PCNX2: variants seen among roughly 807,000 people sequenced by gnomAD.
PCNX2 encodes pecanex 2.
A neutral mutation model predicts 223.8 loss-of-function variants in PCNX2; 168 were observed. The ratio of observed to expected loss-of-function variants is 0.75; its 90% CI spans 0.66 to 0.85. PCNX2 has a LOEUF of 0.85. Ranked by LOEUF, PCNX2 falls within the 40% of genes least tolerant of loss-of-function variation. PCNX2 has a pLI of 0.00. For missense variants in PCNX2, 2,507 were observed against 2,675.5 expected (o/e 0.94, Z 1.39); for synonymous variants, 1,006 against 1,052.6 (o/e 0.96, Z 0.86).
At chr1:233,147,886 T>C (rs148276208) in intron 19 of PCNX2, among the ~76,000 whole-genome samples, 371 of 152,326 alleles carry the variant, frequency 2.4e-3, no homozygotes, top group African/African-American at 8.3e-3. Context: ...GAGCTCTACG[T>C]TGGACTTTTG....
intron 28 of PCNX2, among the ~76,000 whole-genome samples, chr1:233,010,519 A>C (rs1007134332): frequency 6.6e-6 from 1 of 152,258 alleles, no homozygotes; most frequent in Non-Finnish European, 1.5e-5. Context: ...AACATCAGCT[A>C]GAATCCACCT....
At chr1:233,069,417 T>C (rs984561562) in intron 23 of PCNX2, among the ~76,000 whole-genome samples, 6 of 152,178 alleles carry the variant, frequency 3.9e-5, no homozygotes, top group African/African-American at 1.2e-4. Context: ...CATTCTTTTA[T>C]AGTGGCCACA....
At position 233,126,466 on chromosome 1, in the gene PCNX2, G is replaced by A. The variant is rs2102746297; in HGVS notation, c.3837+8547C>T. On this transcript the variant is annotated intron_variant, in intron 21 of 33. Coordinates refer to ENST00000258229, the MANE Select transcript of PCNX2 (RefSeq NM_014801.4). This position sits in a 1 kb window ranked among gnomAD's most constrained non-coding sequence, Gnocchi z 4.8. ...AAGCAAAAATGGAGGTAAAAGGCAG[G>A]TACAGAATGAACCTATTGATATTTT... Among the ~76,000 whole-genome samples, 1 of 152,122 alleles carries A rather than the reference G, an allele frequency of 6.6e-6. No homozygotes were observed. Among genetic ancestry groups the A allele is most frequent in the African/African-American group, 2.4e-5 (1 of 41,496 alleles).
intron 17 of PCNX2, among the ~76,000 whole-genome samples, chr1:233,172,864 C>T (rs999743564): frequency 1.3e-5 from 2 of 152,158 alleles, no homozygotes; most frequent in African/African-American, 4.8e-5. Context: ...AAAAGTCCCA[C>T]GTGACTTTCC....
rs540101053 is a variant in PCNX2, at chr1:233,147,722, T to C, written c.3518-7867A>G. On this transcript the variant is annotated intron_variant, in intron 19 of 33. Transcript: ENST00000258229. ...AGGAAGACTTGGACTGTAAGTACCA[T>C]TCTGCTGTCTGACATTAGAACAGCA... is the stretch of plus-strand genomic sequence containing the variant. Among the ~76,000 whole-genome samples the C allele has an allele frequency of 2.3e-4, 35 of 152,364 alleles. 1 individual carries two copies. Among genetic ancestry groups the C allele is most frequent in the African/African-American group, 8.2e-4 (34 of 41,594 alleles).
intron 1 of PCNX2, among the ~76,000 whole-genome samples, chr1:233,263,452 ATTTTTT>A (rs67108893): frequency 3.9e-5 from 5 of 126,766 alleles, no homozygotes; most frequent in Non-Finnish European, 8.2e-5. Context: ...AAACCTCTCC[ATTTTTT>A]TTTTTTTTTT....
At chr1:233,237,136 T>C in intron 8 of PCNX2, 156 bp from the exon 9 acceptor site, 1 of 502,600 alleles carries the variant, frequency 2.0e-6, no homozygotes, top group South Asian at 8.5e-5. Flanking sequence ...AAATTATGTA[T>C]ACAAGGCTAC....
intron 1 of PCNX2, among the ~76,000 whole-genome samples, chr1:233,270,366 T>G (rs1660580135): frequency 6.6e-6 from 1 of 152,210 alleles, no homozygotes; most frequent in African/African-American, 2.4e-5. Flanking sequence ...CTTGTGATTA[T>G]ATGTTGAAAA....
chr1:233,059,471 C>T (rs749693126), intron 23 of PCNX2, among the ~76,000 whole-genome samples: 3 of 152,204 alleles, frequency 2.0e-5, no homozygotes, highest in East Asian at 3.9e-4. Flanking sequence ...AAATAGAGTG[C>T]TCAAGGTCAC....
chr1:233,199,805 C>G (rs575422122), intron 14 of PCNX2, among the ~76,000 whole-genome samples: 1 of 152,002 alleles, frequency 6.6e-6, no homozygotes, highest in Admixed American at 6.5e-5. Context: ...TACACACACA[C>G]ACACACACAC....
intron 25 of PCNX2, among the ~76,000 whole-genome samples, chr1:233,039,404 G>A (rs891888323): frequency 6.6e-6 from 1 of 152,208 alleles, no homozygotes; most frequent in Non-Finnish European, 1.5e-5. Flanking sequence ...TTCTCATGTC[G>A]ACAGTCGGGT....
At chr1:233,025,737 T>C (rs1671060401) in intron 25 of PCNX2, 1 of 287,604 alleles carries the variant, frequency 3.5e-6, no homozygotes, top group East Asian at 7.5e-5. Flanking sequence ...TAGTACATAC[T>C]AGCTACTTGA....
chr1:233,245,494 C>A (rs1659054434), intron 8 of PCNX2, among the ~76,000 whole-genome samples: 3 of 152,202 alleles, frequency 2.0e-5, no homozygotes, highest in Admixed American at 2.0e-4. Flanking sequence ...CACATGTGTG[C>A]AAGAAGGGCT....
intron 23 of PCNX2, among the ~76,000 whole-genome samples, chr1:233,064,602 C>T (rs1457189650): frequency 2.0e-5 from 3 of 152,168 alleles, no homozygotes; most frequent in Non-Finnish European, 4.4e-5. Context: ...TACTGAGACT[C>T]ACAGCCCCGA....
At chr1:233,038,080 T>C (rs2102853873) in intron 25 of PCNX2, among the ~76,000 whole-genome samples, 1 of 152,328 alleles carries the variant, frequency 6.6e-6, no homozygotes, top group Non-Finnish European at 1.5e-5. Context: ...TTAAAATCAG[T>C]ATTCTTCTTT....
chr1:233,176,907 C>A (rs1441423775), intron 17 of PCNX2, among the ~76,000 whole-genome samples: 1 of 152,018 alleles, frequency 6.6e-6, no homozygotes, highest in Non-Finnish European at 1.5e-5. Flanking sequence ...CCCAGCTACT[C>A]GGGCTGAGGC....
rs895642065 is a variant in PCNX2 at position 233,083,185 on chromosome 1, G to A, written c.4076+6876C>T. On this transcript the variant is annotated intron_variant, in intron 23 of 33. Transcript: ENST00000258229. The stretch of plus-strand genomic sequence containing the variant: ...ATGACCTCTGGAGCAAGGTGAAGGT[G>A]GGGAGGGTTAGGGGCAATCCACTGA... 4.6e-5 allele frequency among the ~76,000 whole-genome samples: 7 copies of A among 152,180 alleles called. 1 individual carries two copies. The East Asian group carries it at 1.3e-3, about 29-fold the overall frequency.
intron 23 of PCNX2, among the ~76,000 whole-genome samples, chr1:233,065,991 T>C (rs956847708): frequency 2.6e-5 from 4 of 152,166 alleles, no homozygotes; most frequent in African/African-American, 9.7e-5. Context: ...TTCAGCCAAT[T>C]GAATGGTGCT....
rs1669371945 is a variant in PCNX2, at chr1:232,984,201, G to A, written c.*103C>T. On this transcript the variant is annotated 3_prime_UTR_variant, in exon 34 of 34. Coordinates refer to ENST00000258229, the MANE Select transcript of PCNX2 (RefSeq NM_014801.4). ...CTTTTCCACAGGAGGAGTCCCTCAT[G>A]GATCGCGGTATTGGTTGGTTGTGGT... 9.2e-7 allele frequency: 1 copy of A among 1,086,266 alleles called. No individual in the cohort carries two copies. Among genetic ancestry groups the A allele is most frequent in the Non-Finnish European group, 1.2e-6 (1 of 834,838 alleles). The allele number at this position is 1,086,266 out of a possible 1,614,324, so 67.3% of individuals were successfully genotyped here.
Sources: gnomAD v4.1 joint callset for allele counts (sites outside exome capture counted in the v4.1 genomes callset) on GRCh38, gnomAD v4.1.1 for gene constraint, Gnocchi (gnomAD v3.1) non-coding constraint, MANE v1.5 for transcripts, NCBI Gene and HGNC (gene_info 2026-07-23, HGNC 2026-07-21) for gene names.